Variants in TENM1 observed in about 807,000 individuals in gnomAD.
The protein encoded by TENM1 is teneurin-1.
Under a neutral mutation model 174.8 loss-of-function variants are expected in TENM1, and 35 were observed. That is an observed-to-expected ratio of 0.20 (90% confidence interval 0.15 to 0.27). The LOEUF (loss-of-function observed/expected upper bound fraction) is 0.27. Ranked by LOEUF, TENM1 falls within the 10% of genes least tolerant of loss-of-function variation. The probability of loss-of-function intolerance (pLI) is 1.00; values close to 1 mark genes in which losing one functional copy is unlikely to be tolerated. For synonymous variants in TENM1, 781 were observed against 798.7 expected (o/e 0.98, Z 0.37); for missense variants, 1,633 against 2,130.1 (o/e 0.77, Z 4.59).
chrX:124,690,618 T>TTC (rs1212756087), intron 5 of TENM1, among the ~76,000 whole-genome samples: 1 of 109,653 alleles, frequency 9.1e-6, no homozygotes, highest in Non-Finnish European at 1.9e-5. Flanking sequence ...AGGTGGGGCC[T>TTC]AATGGAAAGT....
the TENM1 span, among the ~76,000 whole-genome samples, chrX:125,186,470 C>T: frequency 9.0e-6 from 1 of 110,591 alleles, no homozygotes; most frequent in African/African-American, 3.3e-5. Context: ...GGAGGTGGGG[C>T]CTGGTACGAG....
the TENM1 span, among the ~76,000 whole-genome samples, chrX:125,034,984 C>G: frequency 1.1e-4 from 12 of 111,738 alleles, no homozygotes; most frequent in African/African-American, 3.9e-4. Context: ...AAATAACTAA[C>G]AAATGGAAGT....
intron 1 of TENM1, among the ~76,000 whole-genome samples, chrX:124,908,672 T>A (rs1457240753): frequency 9.0e-6 from 1 of 111,045 alleles, no homozygotes; most frequent in South Asian, 3.9e-4. Context: ...TAAATTTTTT[T>A]AAAAAAGAAG....
intron 21 of TENM1, among the ~76,000 whole-genome samples, chrX:124,482,756 T>TCTGTATAGA (rs2046872839): frequency 8.9e-6 from 1 of 112,315 alleles, no homozygotes; most frequent in Non-Finnish European, 1.9e-5. Flanking sequence ...GTTATTTTTA[T>TCTGTATAGA]CTGTATAGAT....
At chrX:124,935,052 AT>A (rs1569484233) in intron 1 of TENM1, among the ~76,000 whole-genome samples, 1 of 109,375 alleles carries the variant, frequency 9.1e-6, no homozygotes, top group Non-Finnish European at 1.9e-5. Context: ...GATTAAATTA[AT>A]GCTTTGGGGC....
At chrX:124,464,901 G>T (rs1452049815) in intron 22 of TENM1, among the ~76,000 whole-genome samples, 1 of 111,859 alleles carries the variant, frequency 8.9e-6, no homozygotes, top group African/African-American at 3.3e-5. Flanking sequence ...TTCAAAGGGG[G>T]CTGGTGACTT....
chrX:124,922,030 G>C (rs931774045), intron 1 of TENM1, among the ~76,000 whole-genome samples: 2 of 111,109 alleles, frequency 1.8e-5, no homozygotes, highest in Non-Finnish European at 3.8e-5. Context: ...CTCTCATCTT[G>C]AAGTCTCCAT....
chrX:124,839,918 A>G (rs1433909008), intron 3 of TENM1, among the ~76,000 whole-genome samples: 1 of 111,351 alleles, frequency 9.0e-6, no homozygotes, highest in African/African-American at 3.3e-5. Flanking sequence ...TGATGGCTTC[A>G]CAGCTGAGTG....
At chrX:125,033,470 T>C in the TENM1 span, among the ~76,000 whole-genome samples, 2 of 111,275 alleles carry the variant, frequency 1.8e-5, no homozygotes, top group Admixed American at 9.6e-5. Context: ...TATTTTGAAA[T>C]TGATAAAGAA....
chrX:124,957,969 T>G (rs1452892992), intron 1 of TENM1, among the ~76,000 whole-genome samples: 1 of 111,801 alleles, frequency 8.9e-6, no homozygotes, highest in Middle Eastern at 4.2e-3. Flanking sequence ...CTCCATGCAT[T>G]TATATTTTCA....
At chrX:124,648,335 T>C (rs1238857686) in intron 8 of TENM1, among the ~76,000 whole-genome samples, 1 of 112,716 alleles carries the variant, frequency 8.9e-6, no homozygotes, top group Non-Finnish European at 1.9e-5. Flanking sequence ...ATCCAGTGGC[T>C]GGATAGCCAC....
chrX:124,650,157 G>T (rs750867091), intron 8 of TENM1, among the ~76,000 whole-genome samples: 1 of 94,401 alleles, frequency 1.1e-5, no homozygotes, highest in Non-Finnish European at 2.0e-5. Flanking sequence ...AGCCGAGATC[G>T]TGCCATTGCA....
intron 23 of TENM1, among the ~76,000 whole-genome samples, chrX:124,443,074 G>GTGTA (rs2060926008): frequency 1.0e-5 from 1 of 96,979 alleles, no homozygotes; most frequent in African/African-American, 4.1e-5. Flanking sequence ...GTGTGTGTGT[G>GTGTA]TGTGTGTGTG....
At chrX:124,464,981 A>G (rs1376626068) in intron 22 of TENM1, among the ~76,000 whole-genome samples, 5 of 111,651 alleles carry the variant, frequency 4.5e-5, no homozygotes, top group Non-Finnish European at 9.4e-5. Flanking sequence ...TCTAAACTCA[A>G]ATATCCAGAC....
intron 3 of TENM1, among the ~76,000 whole-genome samples, chrX:124,872,614 C>T (rs959933712): frequency 8.9e-6 from 1 of 112,018 alleles, no homozygotes; most frequent in Non-Finnish European, 1.9e-5. Context: ...GTGTACACTG[C>T]TGAAATTGTT....
intron 11 of TENM1, among the ~76,000 whole-genome samples, chrX:124,585,251 C>T (rs2049466532): frequency 9.0e-6 from 1 of 111,513 alleles, no homozygotes; most frequent in South Asian, 3.8e-4. Flanking sequence ...CAGCACCACA[C>T]CACACCTATT....
At chrX:124,826,472 G>A (rs751207880) in intron 3 of TENM1, among the ~76,000 whole-genome samples, 1 of 110,540 alleles carries the variant, frequency 9.0e-6, no homozygotes, top group Non-Finnish European at 1.9e-5. Flanking sequence ...TCCACTGTTA[G>A]GGGAATATTT....
chrX:124,773,610 A>G (rs969260173), intron 3 of TENM1, among the ~76,000 whole-genome samples: 6 of 111,491 alleles, frequency 5.4e-5, no homozygotes, highest in Middle Eastern at 4.7e-3. Flanking sequence ...AGTAGGTAAC[A>G]TAAAGATATG....
intron 3 of TENM1, among the ~76,000 whole-genome samples, chrX:124,787,679 A>C: frequency 8.9e-6 from 1 of 112,290 alleles, no homozygotes; most frequent in East Asian, 2.8e-4. Context: ...TTCTAAGATT[A>C]GACTAAAATA....
Sources: gnomAD v4.1 joint callset for allele counts (sites outside exome capture counted in the v4.1 genomes callset) on GRCh38, gnomAD v4.1.1 for gene constraint, MANE v1.5 for transcripts, NCBI Gene and HGNC (gene_info 2026-07-23, HGNC 2026-07-21) for gene names.